ATXN1: variants seen among roughly 807,000 people sequenced by gnomAD.
ATXN1 encodes the protein ataxin-1.
Under a neutral mutation model 56.4 loss-of-function variants are expected in ATXN1, and 8 were observed. The observed-to-expected ratio is 0.14, with a 90% CI of 0.08 to 0.26. ATXN1 has a LOEUF of 0.26. Among genes scored for constraint, ATXN1 ranks in the 10% least tolerant of loss-of-function variants. The pLI, the probability that ATXN1 is intolerant of heterozygous loss-of-function variation, is 1.00. For missense variants in ATXN1, 987 were observed against 1,106.5 expected (o/e 0.89, Z 1.53); for synonymous variants, 514 against 494.6 (o/e 1.04, Z -0.52).
chr6:16,345,770 G>A (rs1299829267), intron 6 of ATXN1, among the ~76,000 whole-genome samples: 2 of 152,130 alleles, frequency 1.3e-5, no homozygotes, highest in Admixed American at 6.5e-5. Flanking sequence ...ACCTGCAGCT[G>A]TTTTCAATAA....
chr6:16,327,650 G>A lies in ATXN1; in HGVS notation c.661C>T (p.Gln221Ter). The A allele has an allele frequency of 6.5e-7, 1 of 1,543,986 alleles. No individual in the cohort carries two copies. Reference protein sequence around the residue: ...HQQQQQQQQQQQQQQHLSRAP... With the variant: ...HQQQQQQQQQ The stretch of plus-strand genomic sequence containing the variant: ...CTGCTGAGGTGCTGCTGCTGCTGCT[G>A]CTGCTGCTGCTGCTGCTGCTGCTGC... Residue 221 changes from glutamine (Q) to a stop codon, truncating the protein, a stop_gained, in exon 7 of 8, where the codon CAG becomes TAG. Coordinates refer to ENST00000436367, the MANE Select transcript of ATXN1 (RefSeq NM_001128164.2). LOFTEE classifies it high-confidence loss of function.
intron 6 of ATXN1, among the ~76,000 whole-genome samples, chr6:16,471,530 T>G (rs1760216676): frequency 1.3e-5 from 2 of 152,170 alleles, no homozygotes. Flanking sequence ...GTGACAATGA[T>G]AGCTCACAGT....
chr6:16,715,874 C>T (rs1759629020), intron 2 of ATXN1, among the ~76,000 whole-genome samples: 1 of 152,186 alleles, frequency 6.6e-6, no homozygotes, highest in South Asian at 2.1e-4. Flanking sequence ...ATACCACGTC[C>T]CCTAAGCCCT....
At chr6:16,600,491 T>A (rs1273337497) in intron 3 of ATXN1, among the ~76,000 whole-genome samples, 1 of 152,216 alleles carries the variant, frequency 6.6e-6, no homozygotes, top group African/African-American at 2.4e-5. Flanking sequence ...GTATAATAAA[T>A]GGGTAGCCTA....
chr6:16,643,290 G>A (rs1240968551), intron 3 of ATXN1, among the ~76,000 whole-genome samples: 3 of 150,366 alleles, frequency 2.0e-5, no homozygotes, highest in Non-Finnish European at 3.0e-5. Flanking sequence ...TCTGAGCTAT[G>A]CCTGTGTCTA....
intron 6 of ATXN1, among the ~76,000 whole-genome samples, chr6:16,439,559 T>C (rs1292797470): frequency 1.3e-5 from 2 of 152,034 alleles, no homozygotes; most frequent in African/African-American, 4.8e-5. Context: ...CATACTGTGT[T>C]AATTTGGAAA....
At chr6:16,720,998 G>A (rs1256352854) in intron 2 of ATXN1, among the ~76,000 whole-genome samples, 1 of 152,224 alleles carries the variant, frequency 6.6e-6, no homozygotes, top group African/African-American at 2.4e-5. Flanking sequence ...GTCAAGACTT[G>A]TGCAGATGTA....
At chr6:16,437,825 G>C (rs1759424819) in intron 6 of ATXN1, among the ~76,000 whole-genome samples, 1 of 152,240 alleles carries the variant, frequency 6.6e-6, no homozygotes, top group South Asian at 2.1e-4. Flanking sequence ...CTAGGTAGCA[G>C]AGAGTGTAAG....
intron 6 of ATXN1, among the ~76,000 whole-genome samples, chr6:16,429,714 G>A (rs981594332): frequency 1.3e-5 from 2 of 152,112 alleles, no homozygotes; most frequent in African/African-American, 4.8e-5. Flanking sequence ...CACTGAGCCT[G>A]GCTGGAGTTT....
intron 2 of ATXN1, among the ~76,000 whole-genome samples, chr6:16,726,864 AAAAC>A (rs954283981): frequency 1.3e-5 from 2 of 152,208 alleles, no homozygotes; most frequent in African/African-American, 4.8e-5. Context: ...ATCTCAAAAA[AAAAC>A]AAAGAATAAT....
chr6:16,574,516 T>C (rs374234767), intron 4 of ATXN1, among the ~76,000 whole-genome samples: 8 of 152,282 alleles, frequency 5.3e-5, no homozygotes, highest in African/African-American at 1.9e-4. Flanking sequence ...GCCTAATTTT[T>C]GTATTTTCAG....
intron 4 of ATXN1, among the ~76,000 whole-genome samples, chr6:16,529,173 T>C (rs925431011): frequency 9.1e-5 from 11 of 120,646 alleles, no homozygotes; most frequent in African/African-American, 3.5e-4. Context: ...ATCAAGACTC[T>C]GTCAAAAAAA....
At chr6:16,489,353 T>C (rs1218066332) in intron 5 of ATXN1, among the ~76,000 whole-genome samples, 1 of 152,212 alleles carries the variant, frequency 6.6e-6, no homozygotes. Flanking sequence ...TTCCAGGGAC[T>C]TGAAAGTCTG....
At chr6:16,721,349 G>C (rs1759741610) in intron 2 of ATXN1, among the ~76,000 whole-genome samples, 1 of 152,174 alleles carries the variant, frequency 6.6e-6, no homozygotes, top group Non-Finnish European at 1.5e-5. Flanking sequence ...CAAGTGGCTG[G>C]GGGTGGTTGT....
At chr6:16,597,924 T>C (rs1343586948) in intron 3 of ATXN1, among the ~76,000 whole-genome samples, 1 of 146,562 alleles carries the variant, frequency 6.8e-6, no homozygotes, top group Non-Finnish European at 1.5e-5. Flanking sequence ...AAGCCAACAG[T>C]CTAGGATTTA....
At chr6:16,348,481 G>C (rs1192014746) in intron 6 of ATXN1, among the ~76,000 whole-genome samples, 1 of 152,026 alleles carries the variant, frequency 6.6e-6, no homozygotes, top group Non-Finnish European at 1.5e-5. Context: ...GGCAGATCAT[G>C]TGAGATCCAG....
intron 2 of ATXN1, among the ~76,000 whole-genome samples, chr6:16,658,509 A>T (rs1013168320): frequency 6.6e-6 from 1 of 152,220 alleles, no homozygotes; most frequent in Non-Finnish European, 1.5e-5. Context: ...TACACACTGA[A>T]TATGAAATGA....
At chr6:16,601,607 T>TA (rs1162820594) in intron 3 of ATXN1, among the ~76,000 whole-genome samples, 2 of 152,092 alleles carry the variant, frequency 1.3e-5, no homozygotes, top group Non-Finnish European at 2.9e-5. Context: ...TCCCAGCACT[T>TA]AGTGAGGCCG....
intron 6 of ATXN1, among the ~76,000 whole-genome samples, chr6:16,334,462 G>A (rs1456981307): frequency 1.3e-5 from 2 of 152,096 alleles, no homozygotes; most frequent in Non-Finnish European, 2.9e-5. Context: ...TGTTCAGGCT[G>A]GGTTCAGTGG....
Sources: gnomAD v4.1 joint callset for allele counts (sites outside exome capture counted in the v4.1 genomes callset) on GRCh38, gnomAD v4.1.1 for gene constraint, MANE v1.5 for transcripts, NCBI Gene and HGNC (gene_info 2026-07-23, HGNC 2026-07-21) for gene names.